Variants in TFG observed in about 807,000 individuals in gnomAD.
TFG encodes the protein protein TFG.
Under a neutral mutation model 51.4 loss-of-function variants are expected in TFG, and 22 were observed. The ratio of observed to expected loss-of-function variants is 0.43; its 90% CI spans 0.31 to 0.61. The LOEUF is 0.61. TFG is among the 20% of genes least tolerant of loss of function. The pLI is 0.12. For missense variants in TFG, 419 were observed against 487.7 expected (o/e 0.86, Z 1.33); for synonymous variants, 187 against 165.6 (o/e 1.13, Z -0.99).
rs1406927339 is a variant in TFG, at chr3:100,748,537, C to T, written c.*6C>T. The T allele has an allele frequency of 1.3e-6, 2 of 1,598,888 alleles. No homozygotes were observed. Among genetic ancestry groups the T allele is most frequent in the Non-Finnish European group, 1.7e-6 (2 of 1,170,192 alleles). ...CTGGACCTGGTTATCGATAAGGAGG[C>T]TCCTCTACACCAATTAATGTAGCTG... On this transcript the variant is annotated 3_prime_UTR_variant, in exon 8 of 8. Coordinates refer to ENST00000240851, the MANE Select transcript of TFG (RefSeq NM_006070.6).
chr3:100,742,291 C>A (rs2095123356), intron 6 of TFG, among the ~76,000 whole-genome samples: 1 of 152,060 alleles, frequency 6.6e-6, no homozygotes, highest in Non-Finnish European at 1.5e-5. Context: ...ATCAGTTCTA[C>A]CATAGGCTAA....
intron 4 of TFG, among the ~76,000 whole-genome samples, chr3:100,731,273 T>C (rs1483602570): frequency 1.3e-5 from 2 of 152,188 alleles, no homozygotes; most frequent in African/African-American, 2.4e-5. Context: ...TGTTTGTTTC[T>C]TTTGATGTCT....
intron 2 of TFG, 84 bp downstream of exon 2, chr3:100,713,953 T>A: frequency 1.1e-6 from 1 of 878,380 alleles, no homozygotes; most frequent in Non-Finnish European, 1.6e-6. Context: ...CAGGCTGGAG[T>A]ACAGTGGTGT....
In TFG at chr3:100,736,986, A is replaced by G. The variant is rs115656907; in HGVS notation, c.721+270A>G. On this transcript the variant is annotated intron_variant, in intron 6 of 7. Transcript: ENST00000240851. ...GTCATTAGTCAGTGGTGACCCTTGG[A>G]GGGGAGGATAGTGAAGTTCAGACTG... 0.03 allele frequency among the ~76,000 whole-genome samples: 4,524 copies of G among 152,276 alleles called. 182 individuals carry two copies. The highest frequency in any genetic ancestry group is 0.092 in the African/African-American group (3,814 of 41,538).
Position 100,748,261 on chromosome 3 carries a change from G to A in TFG, c.933G>A (p.Leu311=). The change falls in exon 8 of 8, where the codon CTG becomes CTA. Residue 311 remains leucine (L), a synonymous_variant. Transcript: ENST00000240851. ...CCTTTTCTGGTCAGCCTCAACAACT[G>A]CCTGCTCAGCCGCCACAGCAGTACC... ...APAFSGQPQQ[L]PAQPPQQYQA... is the part of the protein sequence containing the mutation. 6.2e-7 allele frequency: 1 copy of A among 1,614,040 alleles called. No homozygotes were observed. The highest frequency in any genetic ancestry group is 8.5e-7 in the Non-Finnish European group (1 of 1,180,002).
intron 6 of TFG, 129 bp downstream of exon 6, chr3:100,736,845 G>T: frequency 9.9e-7 from 1 of 1,011,284 alleles, no homozygotes; most frequent in Non-Finnish European, 1.4e-6. Context: ...TTACTGACAT[G>T]ATTTGATGTT....
rs2095023365 is a variant in TFG at position 100,709,619 on chromosome 3, G to C, written c.-146G>C. ...GCGGTCGCGAAGGGCAACCGAGGGGGCCGTGACCACCGCCTCCCCGCGACG... is the reference window on the plus strand; with the variant it reads ...GCGGTCGCGAAGGGCAACCGAGGGGCCCGTGACCACCGCCTCCCCGCGACG... On this transcript the variant is annotated 5_prime_UTR_variant, in exon 1 of 8. Transcript: ENST00000240851. 6.6e-6 allele frequency: 1 copy of C among 151,470 alleles called. No individual in the cohort carries two copies. The highest frequency in any genetic ancestry group is 6.6e-5 in the Admixed American group (1 of 15,226). The allele number at this position is 151,470 out of a possible 1,614,324, so 9.4% of individuals were successfully genotyped here. A position where few individuals can be genotyped will look rare whatever the true frequency, so the allele number is the denominator to read the frequency against.
intron 3 of TFG, among the ~76,000 whole-genome samples, chr3:100,720,927 A>C: frequency 6.6e-6 from 1 of 152,110 alleles, no homozygotes; most frequent in South Asian, 2.1e-4. Flanking sequence ...TGTTTTGTTT[A>C]GCATTAATTT....
intron 6 of TFG, among the ~76,000 whole-genome samples, chr3:100,739,259 T>A (rs9881780): frequency 0.03 from 4,530 of 152,286 alleles, 184 homozygotes; most frequent in African/African-American, 0.092. Flanking sequence ...TAATAGTCCA[T>A]ACTAAAATTA....
intron 6 of TFG, among the ~76,000 whole-genome samples, chr3:100,737,849 G>T (rs2095110829): frequency 6.6e-6 from 1 of 152,134 alleles, no homozygotes; most frequent in African/African-American, 2.4e-5. Flanking sequence ...AGGAGTTTGA[G>T]ACTAGGCTGG....
At chr3:100,718,291 G>A (rs1223036629) in intron 2 of TFG, among the ~76,000 whole-genome samples, 1 of 152,254 alleles carries the variant, frequency 6.6e-6, no homozygotes. Context: ...TCATTGACTG[G>A]CTTTCTCTTA....
rs903270291 is a variant in TFG at position 100,709,636 on chromosome 3, C to T, written c.-129C>T. The T allele has an allele frequency of 6.6e-6, 1 of 151,364 alleles. No homozygotes were observed. The highest frequency in any genetic ancestry group is 1.5e-5 in the Non-Finnish European group (1 of 67,796). 9.4% of individuals were successfully genotyped at this position (151,364 alleles called of 1,614,324 possible). A position where few individuals can be genotyped will look rare whatever the true frequency, so the allele number is the denominator to read the frequency against. ...CCGAGGGGGCCGTGACCACCGCCTCCCCGCGACGCCCCAGTCCAGTGGCCT... is the reference window on the plus strand; with the variant it reads ...CCGAGGGGGCCGTGACCACCGCCTCTCCGCGACGCCCCAGTCCAGTGGCCT... On this transcript the variant is annotated 5_prime_UTR_variant, in exon 1 of 8. Coordinates refer to ENST00000240851, the MANE Select transcript of TFG (RefSeq NM_006070.6).
In TFG at chr3:100,728,819, C is replaced by T. The variant is rs1553701779; in HGVS notation, c.376C>T (p.Pro126Ser). ...VNRLLDSLEP[P>S]GEPGPSTNIP... is the part of the protein sequence containing the mutation. ...TCGTTTATTGGATAGCTTGGAACCA[C>T]CTGGAGAACCAGGACCTTCCACCAA... Residue 126 changes from proline (P) to serine (S), a missense_variant, in exon 4 of 8, where the codon CCT (proline) becomes TCT (serine). This residue lies in a region of TFG where 391 missense variants were observed against 434.4 expected (regional missense o/e 0.90). Coordinates refer to ENST00000240851, the MANE Select transcript of TFG (RefSeq NM_006070.6). 6.2e-7 allele frequency: 1 copy of T among 1,609,518 alleles called. No homozygotes were observed. The highest frequency in any genetic ancestry group is 8.5e-7 in the Non-Finnish European group (1 of 1,177,912).
chr3:100,717,243 G>T (rs775947594), intron 2 of TFG, among the ~76,000 whole-genome samples: 83 of 152,004 alleles, frequency 5.5e-4, no homozygotes, highest in Non-Finnish European at 1.1e-3. Flanking sequence ...TGGTCAATGG[G>T]TCTGTTTTTA....
chr3:100,712,871 G>A (rs1005714393), intron 1 of TFG, among the ~76,000 whole-genome samples: 1 of 152,178 alleles, frequency 6.6e-6, no homozygotes, highest in African/African-American at 2.4e-5. Context: ...CATATGAGGG[G>A]TATCAGAAAG....
At chr3:100,713,968 A>G (rs2149058126) in intron 2 of TFG, 99 bp downstream of exon 2, 2 of 699,044 alleles carry the variant, frequency 2.9e-6, no homozygotes, top group South Asian at 6.8e-5. Flanking sequence ...TGGTGTGATC[A>G]TAGCTCAGTG....
intron 6 of TFG, chr3:100,742,514 A>G (rs569340136): frequency 6.6e-6 from 1 of 152,312 alleles, no homozygotes; most frequent in South Asian, 2.1e-4. Context: ...GTGGGGACCA[A>G]CCCTGACAGG....
At chr3:100,745,148 G>C (rs1350675048) in intron 7 of TFG, among the ~76,000 whole-genome samples, 1 of 151,090 alleles carries the variant, frequency 6.6e-6, no homozygotes, top group African/African-American at 2.4e-5. Flanking sequence ...ACTTACAGTA[G>C]ATGATTCTGC....
rs887538521 is a variant in TFG at position 100,709,565 on chromosome 3, G to T, written c.-200G>T. On this transcript the variant is annotated 5_prime_UTR_variant, in exon 1 of 8. Coordinates refer to ENST00000240851, the MANE Select transcript of TFG (RefSeq NM_006070.6). ...TTGTTGGGTCAGCGCGATTGGCCGG[G>T]GCCCGCGCGAGCCTGCGAGCGAGGT... 6.6e-6 allele frequency: 1 copy of T among 151,888 alleles called. No homozygotes were observed. Among genetic ancestry groups the T allele is most frequent in the Non-Finnish European group, 1.5e-5 (1 of 67,998 alleles). 9.4% of individuals were successfully genotyped at this position (151,888 alleles called of 1,614,324 possible). A position where few individuals can be genotyped will look rare whatever the true frequency, so the allele number is the denominator to read the frequency against.
Sources: gnomAD v4.1 joint callset for allele counts (sites outside exome capture counted in the v4.1 genomes callset) on GRCh38, gnomAD v4.1.1 for gene constraint, gnomAD v4.1.1 regional missense constraint, MANE v1.5 for transcripts, NCBI Gene and HGNC (gene_info 2026-07-23, HGNC 2026-07-21) for gene names.